Variants in HTRA3 observed in about 807,000 individuals in gnomAD.
HTRA3 encodes the protein HtrA serine peptidase 3, also known as serine protease HTRA3.
A neutral mutation model predicts 43.2 loss-of-function variants in HTRA3; 41 were observed. That is an observed-to-expected ratio of 0.95 (90% CI 0.74 to 1.23). The LOEUF (loss-of-function observed/expected upper bound fraction) is 1.23, where lower values mean the gene tolerates loss of function less well. Ranked by LOEUF, HTRA3 falls within the 50% of genes most tolerant of loss-of-function variation. The pLI is 0.00. For synonymous variants in HTRA3, 295 were observed against 287.9 expected (o/e 1.02, Z -0.25); for missense variants, 628 against 647.1 (o/e 0.97, Z 0.32).
At chr4:8,280,191 C>G (rs937058284) in intron 1 of HTRA3, among the ~76,000 whole-genome samples, 1 of 152,250 alleles carries the variant, frequency 6.6e-6, no homozygotes, top group African/African-American at 2.4e-5. Context: ...TAATATGGTC[C>G]CACCTGGGGG....
At chr4:8,291,115 A>T (rs1390589757) in intron 3 of HTRA3, among the ~76,000 whole-genome samples, 1 of 152,194 alleles carries the variant, frequency 6.6e-6, no homozygotes, top group African/African-American at 2.4e-5. Flanking sequence ...ATGAGCACCC[A>T]TGCCTGCCCT....
chr4:8,299,314 T>C (rs980258974), intron 6 of HTRA3, among the ~76,000 whole-genome samples: 2 of 152,266 alleles, frequency 1.3e-5, no homozygotes, highest in Non-Finnish European at 2.9e-5. Context: ...CAAATTAAAA[T>C]GATTTTTGGA....
Position 8,286,544 on chromosome 4 carries a change from T to A in HTRA3, c.486-17T>A. The A allele has an allele frequency of 6.2e-7, 1 of 1,611,226 alleles. No homozygotes were observed. Among genetic ancestry groups the A allele is most frequent in the Non-Finnish European group, 8.5e-7 (1 of 1,178,504 alleles). ...TAGCCCCACCCTAAATGCCCGCCTGTGTCTCCCTGGCTGCAGACACCCGCT... is the reference window on the plus strand; with the variant it reads ...TAGCCCCACCCTAAATGCCCGCCTGAGTCTCCCTGGCTGCAGACACCCGCT... On this transcript the variant is annotated splice_polypyrimidine_tract_variant and intron_variant, in intron 2 of 8. Coordinates refer to ENST00000307358, the MANE Select transcript of HTRA3 (RefSeq NM_053044.5). This position sits in a 1 kb window ranked among gnomAD's most constrained non-coding sequence, Gnocchi z 4.9.
Position 8,288,899 on chromosome 4 carries a change from GTCCT to G in HTRA3, c.708+2149_708+2152del, listed in dbSNP as rs1199752377. On this transcript the variant is annotated intron_variant, in intron 3 of 8. Coordinates refer to ENST00000307358, the MANE Select transcript of HTRA3 (RefSeq NM_053044.5). ...AAATTTTCCTTCCTTCCTTCCGTCC[GTCCT>G]TCCTTCCTTCCTTCCTTCCTTCCTT... 3.2e-3 allele frequency among the ~76,000 whole-genome samples: 323 copies of G among 101,474 alleles called. 1 individual carries two copies. Among genetic ancestry groups the G allele is most frequent in the Middle Eastern group, 0.017 (3 of 176 alleles). 66.6% of individuals were successfully genotyped at this position (101,474 alleles called of 152,430 possible). A position where few individuals can be genotyped will look rare whatever the true frequency, so the allele number is the denominator to read the frequency against.
chr4:8,300,987 TATTG>T (rs1455938156), intron 6 of HTRA3, among the ~76,000 whole-genome samples: 5 of 151,944 alleles, frequency 3.3e-5, no homozygotes, highest in Non-Finnish European at 5.9e-5. Flanking sequence ...TCATCTTTAT[TATTG>T]ATTCACACTC....
intron 5 of HTRA3, 118 bp downstream of exon 5, chr4:8,292,471 G>T: frequency 1.2e-6 from 1 of 856,196 alleles, no homozygotes; most frequent in Non-Finnish European, 1.9e-6. Context: ...TACACCAACA[G>T]TCGGGAGTGC....
In HTRA3 at chr4:8,270,090, G is replaced by A; in HGVS notation, c.122G>A (p.Gly41Asp). Residue 41 changes from glycine to aspartate, a missense_variant, in exon 1 of 9, where the codon GGC becomes GAC. Coordinates refer to ENST00000307358, the MANE Select transcript of HTRA3 (RefSeq NM_053044.5). The part of the protein sequence containing the change: ...VSRCPSPRCP[G>D]GYVPDLCNCC... ...CGGTGTCCCAGCCCCCGCTGCCCCG[G>A]CGGCTACGTGCCCGACCTCTGCAAC... 1 of 1,531,202 alleles carries A rather than the reference G, an allele frequency of 6.5e-7. No homozygotes were observed. The highest frequency in any genetic ancestry group is 8.7e-7 in the Non-Finnish European group (1 of 1,150,662). The allele number at this position is 1,531,202 out of a possible 1,614,324, so 94.9% of individuals were successfully genotyped here.
In HTRA3 at chr4:8,270,284, G is replaced by A; in HGVS notation, c.316G>A (p.Ala106Thr). 2 of 1,483,358 alleles carry A rather than the reference G, an allele frequency of 1.3e-6. No individual in the cohort carries two copies. The highest frequency in any genetic ancestry group is 1.5e-5 in the African/African-American group (1 of 68,512). The allele number at this position is 1,483,358 out of a possible 1,614,324, so 91.9% of individuals were successfully genotyped here. ...TGCCAACGTGTGCGCGCTGCAGGCG[G>A]CCAGCCGCCGCGCGCTGCAGCTCTC... is the stretch of plus-strand genomic sequence containing the variant. ...TYANVCALQA[A>T]SRRALQLSGT... is the part of the protein sequence containing the mutation. The change falls in exon 1 of 9, where the codon GCC (alanine) becomes ACC (threonine). Residue 106 changes from alanine (A) to threonine (T), a missense_variant. Physicochemically the swap from Ala to Thr is moderately conservative, Grantham distance 58. Coordinates refer to ENST00000307358, the MANE Select transcript of HTRA3 (RefSeq NM_053044.5).
intron 7 of HTRA3, 28 bp downstream of exon 7, chr4:8,302,539 G>C (rs1713692375): frequency 6.2e-7 from 1 of 1,610,272 alleles, no homozygotes; most frequent in African/African-American, 1.3e-5. Context: ...GCCATCCCCT[G>C]CTACCCCTTC....
rs947607565 is a variant in HTRA3 at position 8,301,943 on chromosome 4, T to C, written c.1052-520T>C. Among the ~76,000 whole-genome samples, 4 of 152,194 alleles carry C rather than the reference T, an allele frequency of 2.6e-5. No individual in the cohort carries two copies. The East Asian group carries it at 5.8e-4, about 22-fold the overall frequency. On this transcript the variant is annotated intron_variant, in intron 6 of 8. Transcript: ENST00000307358. ...CTGAGACACCTGCTAACTCACAGATTGGAGCAGCTTGGGGGATGGAGACAC... is the reference window on the plus strand; with the variant it reads ...CTGAGACACCTGCTAACTCACAGATCGGAGCAGCTTGGGGGATGGAGACAC...
At chr4:8,284,915 CAG>C (rs1178966766) in intron 2 of HTRA3, among the ~76,000 whole-genome samples, 1 of 152,188 alleles carries the variant, frequency 6.6e-6, no homozygotes, top group Non-Finnish European at 1.5e-5. Flanking sequence ...CTTAAAATGA[CAG>C]AGATGTTTGC....
intron 3 of HTRA3, among the ~76,000 whole-genome samples, chr4:8,287,210 T>C (rs1007156770): frequency 6.6e-6 from 1 of 152,174 alleles, no homozygotes; most frequent in Non-Finnish European, 1.5e-5. Flanking sequence ...CACCTTCACG[T>C]CTGTACCTCC....
chr4:8,298,389 A>G (rs956979936), intron 6 of HTRA3, among the ~76,000 whole-genome samples: 11 of 152,226 alleles, frequency 7.2e-5, no homozygotes, highest in African/African-American at 1.9e-4. Flanking sequence ...AGTTCTTTCT[A>G]CATTCTGGAT....
At chr4:8,301,606 T>G (rs1263084233) in intron 6 of HTRA3, among the ~76,000 whole-genome samples, 2 of 152,174 alleles carry the variant, frequency 1.3e-5, no homozygotes, top group African/African-American at 2.4e-5. Context: ...CTTTTTATAG[T>G]TTTTAAGACG....
intron 6 of HTRA3, among the ~76,000 whole-genome samples, chr4:8,302,108 G>T (rs573410314): frequency 1.2e-4 from 18 of 152,298 alleles, no homozygotes; most frequent in African/African-American, 4.3e-4. Flanking sequence ...GGGAACATTT[G>T]GGGAAGCAGC....
At chr4:8,276,575 T>C (rs1560134073) in intron 1 of HTRA3, among the ~76,000 whole-genome samples, 1 of 152,224 alleles carries the variant, frequency 6.6e-6, no homozygotes, top group Non-Finnish European at 1.5e-5. Context: ...GCTGTCTTCC[T>C]TGCCTTCAGT....
In HTRA3 at chr4:8,273,652, G is replaced by A. The variant is rs187662349; in HGVS notation, c.385+3299G>A. On this transcript the variant is annotated intron_variant, in intron 1 of 8. Coordinates refer to ENST00000307358, the MANE Select transcript of HTRA3 (RefSeq NM_053044.5). ...GTCACGTGGAGATGCCTGCTGAGCC[G>A]CCTCGGGCTCTACTCTTCCCAGCCC... Among the ~76,000 whole-genome samples, 5 of 151,956 alleles carry A rather than the reference G, an allele frequency of 3.3e-5. No homozygotes were observed. In the East Asian group the frequency reaches 7.8e-4, roughly 24 times the overall value.
chr4:8,300,751 TCA>T (rs1713609553), intron 6 of HTRA3, among the ~76,000 whole-genome samples: 1 of 152,168 alleles, frequency 6.6e-6, no homozygotes, highest in East Asian at 1.9e-4. Context: ...CTTCATTGAT[TCA>T]CACTCATCTT....
chr4:8,282,610 C>A, intron 2 of HTRA3, 74 bp downstream of exon 2: 2 of 1,191,200 alleles, frequency 1.7e-6, no homozygotes, highest in Non-Finnish European at 2.5e-6. Context: ...GGGGCCCAAA[C>A]CAGGCTTGAT....
Sources: gnomAD v4.1 joint callset for allele counts (sites outside exome capture counted in the v4.1 genomes callset) on GRCh38, gnomAD v4.1.1 for gene constraint, Gnocchi (gnomAD v3.1) non-coding constraint, MANE v1.5 for transcripts, NCBI Gene and HGNC (gene_info 2026-07-23, HGNC 2026-07-21) for gene names.